Variants in RTN3 observed in about 807,000 individuals in gnomAD.
The protein encoded by RTN3 is reticulon-3.
A neutral mutation model predicts 77.8 loss-of-function variants in RTN3; 49 were observed. The observed-to-expected ratio is 0.63, with a 90% confidence interval of 0.50 to 0.80. RTN3 has a LOEUF of 0.80. Among genes scored for constraint, RTN3 ranks in the 30% least tolerant of loss-of-function variants. The probability of loss-of-function intolerance (pLI) is 0.00; values close to 1 mark genes in which losing one functional copy is unlikely to be tolerated. For synonymous variants in RTN3, 464 were observed against 446.9 expected (o/e 1.04, Z -0.48); for missense variants, 1,236 against 1,211.9 (o/e 1.02, Z -0.29).
intron 2 of RTN3, among the ~76,000 whole-genome samples, chr11:63,715,917 C>T (rs1164585751): frequency 7.2e-5 from 11 of 152,150 alleles, no homozygotes; most frequent in Admixed American, 6.5e-5. Flanking sequence ...ACCTTTTAAC[C>T]TACAATACTG....
intron 1 of RTN3, among the ~76,000 whole-genome samples, chr11:63,691,281 C>T (rs532972957): frequency 6.6e-5 from 10 of 151,778 alleles, no homozygotes; most frequent in African/African-American, 2.2e-4. Flanking sequence ...CCACCATGCC[C>T]AGCTAATTTT....
At chr11:63,735,549 T>TC (rs1337194585) in intron 3 of RTN3, among the ~76,000 whole-genome samples, 21 of 141,362 alleles carry the variant, frequency 1.5e-4, no homozygotes, top group Admixed American at 2.9e-4. Flanking sequence ...GATTCTAACA[T>TC]TTCTCTCTCT....
chr11:63,753,518 G>T, intron 6 of RTN3, 144 bp from the exon 7 acceptor site: 1 of 718,716 alleles, frequency 1.4e-6, no homozygotes, highest in Non-Finnish European at 2.3e-6. Context: ...TGTCTTAATT[G>T]GGAGTGCTAA....
At chr11:63,708,253 A>C (rs1422882522) in intron 2 of RTN3, among the ~76,000 whole-genome samples, 1 of 152,182 alleles carries the variant, frequency 6.6e-6, no homozygotes, top group Admixed American at 6.5e-5. Context: ...CTTTGGCTTC[A>C]TATACCTTAG....
At chr11:63,697,482 A>ATTATTATTG (rs1315526995) in intron 1 of RTN3, among the ~76,000 whole-genome samples, 3 of 149,506 alleles carry the variant, frequency 2.0e-5, no homozygotes, top group Non-Finnish European at 3.0e-5. Context: ...TATTATTATT[A>ATTATTATTG]TTATTATTTT....
At chr11:63,707,059 C>T (rs150146530) in intron 2 of RTN3, among the ~76,000 whole-genome samples, 1,804 of 152,080 alleles carry the variant, frequency 0.012, 23 homozygotes, top group Non-Finnish European at 0.015. Context: ...CCACCACGCC[C>T]AGCTAATTTT....
intron 3 of RTN3, among the ~76,000 whole-genome samples, chr11:63,748,152 CAA>C (rs1194315983): frequency 7.1e-6 from 1 of 140,374 alleles, no homozygotes. Context: ...GACTGTGTCT[CAA>C]AAAAAAAAAT....
intron 4 of RTN3, chr11:63,750,453 T>TTA: frequency 2.3e-6 from 1 of 438,464 alleles, no homozygotes; most frequent in Non-Finnish European, 4.1e-6. Context: ...AGACTCTAAA[T>TTA]TCTTTTTTTT....
intron 2 of RTN3, among the ~76,000 whole-genome samples, chr11:63,707,972 C>CA (rs1942579082): frequency 6.6e-6 from 1 of 152,202 alleles, no homozygotes; most frequent in African/African-American, 2.4e-5. Context: ...ACGTCATTGG[C>CA]AGTCTAGAGG....
intron 1 of RTN3, among the ~76,000 whole-genome samples, chr11:63,684,570 G>C (rs542437315): frequency 1.3e-5 from 2 of 152,088 alleles, no homozygotes; most frequent in South Asian, 4.2e-4. Flanking sequence ...TGGGATTACA[G>C]ATGGGAGCCA....
chr11:63,727,257 A>G (rs1289048969), intron 3 of RTN3, among the ~76,000 whole-genome samples: 1 of 152,240 alleles, frequency 6.6e-6, no homozygotes, highest in Non-Finnish European at 1.5e-5. Context: ...TGTACAGCAT[A>G]ATATTCACAA....
chr11:63,719,196 A>G lies in RTN3; in HGVS notation c.694A>G (p.Lys232Glu), dbSNP rs749800732. The G allele has an allele frequency of 5.6e-6, 9 of 1,614,092 alleles. No individual in the cohort carries two copies. The Admixed American group carries it at 1.2e-4, about 21-fold the overall frequency. The change falls in exon 3 of 9, where the codon AAA becomes GAA. Residue 232 changes from lysine (K) to glutamate (E), a missense_variant. Physicochemically the swap from Lys to Glu is moderately conservative, Grantham distance 56. Coordinates refer to ENST00000377819, the MANE Select transcript of RTN3 (RefSeq NM_001265589.2). ...TTATACATATTCTTTGTCTCCATCC[A>G]AAGTTTCAGGAGATGATGTTATTGA... ...GIYTYSLSPSKVSGDDVIEKD... is the reference protein window; with the variant it reads ...GIYTYSLSPSEVSGDDVIEKD...
chr11:63,724,680 A>T (rs1297434175), intron 3 of RTN3, among the ~76,000 whole-genome samples: 1 of 151,474 alleles, frequency 6.6e-6, no homozygotes, highest in East Asian at 1.9e-4. Flanking sequence ...ATTAGTAAAG[A>T]CGGAGTTTCA....
intron 6 of RTN3, 73 bp from the exon 7 acceptor site, chr11:63,753,589 T>TA: frequency 7.4e-7 from 1 of 1,349,038 alleles, no homozygotes. Flanking sequence ...GAAAAATGTA[T>TA]ATGTTACTCT....
At chr11:63,713,929 A>G in intron 2 of RTN3, 1 of 489,296 alleles carries the variant, frequency 2.0e-6, no homozygotes. Flanking sequence ...TTTAAGAGCT[A>G]ACTGCCTTCA....
intron 2 of RTN3, among the ~76,000 whole-genome samples, chr11:63,718,465 A>G (rs2011525002): frequency 6.6e-6 from 1 of 152,160 alleles, no homozygotes; most frequent in African/African-American, 2.4e-5. Flanking sequence ...AAAATTTTTT[A>G]TCATTTGCAG....
chr11:63,702,431 C>T (rs1942285572), intron 1 of RTN3, among the ~76,000 whole-genome samples: 1 of 151,306 alleles, frequency 6.6e-6, no homozygotes, highest in Non-Finnish European at 1.5e-5. Context: ...TCTCCTGCCT[C>T]AGCCTTCGGA....
intron 1 of RTN3, among the ~76,000 whole-genome samples, chr11:63,691,988 C>T (rs765862721): frequency 6.6e-6 from 1 of 152,108 alleles, no homozygotes; most frequent in African/African-American, 2.4e-5. Flanking sequence ...AATAAATACC[C>T]TGTAATATCT....
rs559396963 is a variant in RTN3, at chr11:63,719,046, A to G, written c.544A>G (p.Lys182Glu). Residue 182 changes from lysine (K) to glutamate (E), a missense_variant, in exon 3 of 9, where the codon AAA becomes GAA. Lys to Glu is a moderately conservative substitution (Grantham distance 56, BLOSUM62 1). This residue lies in a region of RTN3 where 1,056 missense variants were observed against 990.4 expected (regional missense o/e 1.07). Transcript: ENST00000377819. ...KIGQVEEQIDKETKNPNGVSS... is the reference protein window; with the variant it reads ...KIGQVEEQIDEETKNPNGVSS... ...TGGTCAAGTGGAAGAGCAAATAGAT[A>G]AAGAGACCAAGAACCCAAATGGGGT... 6.2e-7 allele frequency: 1 copy of G among 1,614,184 alleles called. No homozygotes were observed. Among genetic ancestry groups the G allele is most frequent in the South Asian group, 1.1e-5 (1 of 91,082 alleles).
Sources: gnomAD v4.1 joint callset for allele counts (sites outside exome capture counted in the v4.1 genomes callset) on GRCh38, gnomAD v4.1.1 for gene constraint, gnomAD v4.1.1 regional missense constraint, MANE v1.5 for transcripts, NCBI Gene and HGNC (gene_info 2026-07-23, HGNC 2026-07-21) for gene names.